The following MIPEP variants were observed in gnomAD, a reference collection of about 807,000 sequenced individuals.
MIPEP encodes mitochondrial intermediate peptidase.
In MIPEP, 79 loss-of-function variants were observed where a neutral mutation model predicts 90.3. That is an observed-to-expected ratio of 0.87 (90% CI 0.73 to 1.05). The LOEUF (loss-of-function observed/expected upper bound fraction) is 1.05, where lower values mean the gene tolerates loss of function less well. Among genes scored for constraint, MIPEP ranks in the 50% least tolerant of loss-of-function variants. The probability of loss-of-function intolerance (pLI) is 0.00; values close to 1 mark genes in which losing one functional copy is unlikely to be tolerated. For missense variants in MIPEP, 940 were observed against 905.6 expected, an observed-to-expected ratio of 1.04 and a Z score of -0.49; for synonymous variants, 334 against 315.8, an observed-to-expected ratio of 1.06 and a Z score of -0.61.
intron 18 of MIPEP, among the ~76,000 whole-genome samples, chr13:23,755,070 T>C (rs544498630): frequency 6.6e-6 from 1 of 152,312 alleles, no homozygotes; most frequent in African/African-American, 2.4e-5. Flanking sequence ...ATAGGGTTAC[T>C]AAGAAGAGTC....
intron 16 of MIPEP, among the ~76,000 whole-genome samples, chr13:23,789,829 C>T (rs749029353): frequency 3.3e-5 from 5 of 152,240 alleles, no homozygotes; most frequent in African/African-American, 7.2e-5. Context: ...AGTTCCACTG[C>T]GATCAGTCTT....
chr13:23,889,136 C>A lies in MIPEP; in HGVS notation c.185G>T (p.Arg62Leu). ...QGSRLDLFGERRGLFGVPELS... is the reference protein window; with the variant it reads ...QGSRLDLFGELRGLFGVPELS... ...AGCTCCTCCTGCGCCGCTCACCCGGCGCTCGCCGAACAGGTCCAAGCGGCT... is the reference window on the plus strand; with the variant it reads ...AGCTCCTCCTGCGCCGCTCACCCGGAGCTCGCCGAACAGGTCCAAGCGGCT... Residue 62 changes from arginine (R) to leucine (L), a missense_variant, in exon 1 of 19, where the codon CGC (arginine) becomes CTC (leucine). Arg to Leu is a moderately radical substitution (Grantham distance 102). Coordinates refer to ENST00000382172, the MANE Select transcript of MIPEP (RefSeq NM_005932.4). 1.4e-6 allele frequency: 2 copies of A among 1,422,728 alleles called. No individual in the cohort carries two copies. The highest frequency in any genetic ancestry group is 1.5e-5 in the African/African-American group (1 of 66,256). 88.1% of individuals were successfully genotyped at this position (1,422,728 alleles called of 1,614,324 possible).
chr13:23,755,242 T>C (rs1171811737), intron 18 of MIPEP, among the ~76,000 whole-genome samples: 2 of 152,232 alleles, frequency 1.3e-5, no homozygotes, highest in Non-Finnish European at 2.9e-5. Context: ...GAGCAGGATG[T>C]TTGTCTAAGC....
intron 14 of MIPEP, among the ~76,000 whole-genome samples, chr13:23,835,129 T>C (rs1868977914): frequency 6.6e-6 from 1 of 151,774 alleles, no homozygotes; most frequent in Non-Finnish European, 1.5e-5. Context: ...CAAGTGATTC[T>C]CCTGCCTCAG....
At chr13:23,755,232 G>C (rs1004265629) in intron 18 of MIPEP, among the ~76,000 whole-genome samples, 1 of 152,244 alleles carries the variant, frequency 6.6e-6, no homozygotes, top group African/African-American at 2.4e-5. Context: ...GTCTCCAAAA[G>C]AGCAGGATGT....
chr13:23,858,818 C>A, intron 10 of MIPEP, 42 bp downstream of exon 10: 1 of 1,568,638 alleles, frequency 6.4e-7, no homozygotes, highest in Non-Finnish European at 8.8e-7. Context: ...ACATTAGTTT[C>A]CTTTTTCCTT....
At chr13:23,826,214 G>A (rs1179041419) in intron 14 of MIPEP, among the ~76,000 whole-genome samples, 1 of 152,012 alleles carries the variant, frequency 6.6e-6, no homozygotes, top group Non-Finnish European at 1.5e-5. Flanking sequence ...ATAGAACTAA[G>A]GGGAAATTAT....
chr13:23,874,108 T>C (rs916611216), intron 5 of MIPEP, among the ~76,000 whole-genome samples: 1 of 152,194 alleles, frequency 6.6e-6, no homozygotes, highest in Non-Finnish European at 1.5e-5. Flanking sequence ...CTAGGAAAAA[T>C]GTATTACTGT....
chr13:23,762,646 T>C (rs1451240499), intron 16 of MIPEP, among the ~76,000 whole-genome samples: 1 of 152,202 alleles, frequency 6.6e-6, no homozygotes, highest in African/African-American at 2.4e-5. Flanking sequence ...TGCCCCTTCC[T>C]CCTTGGGGAT....
intron 16 of MIPEP, among the ~76,000 whole-genome samples, chr13:23,782,491 C>T (rs967810522): frequency 2.6e-5 from 4 of 152,044 alleles, no homozygotes; most frequent in African/African-American, 7.3e-5. Context: ...TAAATGCCCA[C>T]AAGAGAAAGC....
intron 2 of MIPEP, among the ~76,000 whole-genome samples, chr13:23,882,064 T>C (rs565757844): frequency 7.2e-5 from 7 of 97,218 alleles, no homozygotes; most frequent in African/African-American, 2.0e-4. Flanking sequence ...AAGCAAATTC[T>C]TTCTTTCTTT....
chr13:23,765,762 C>G (rs1244981669), intron 16 of MIPEP, among the ~76,000 whole-genome samples: 2 of 152,218 alleles, frequency 1.3e-5, no homozygotes, highest in Non-Finnish European at 2.9e-5. Context: ...CAATGACATT[C>G]AATGTTACTG....
rs147510393 is a variant in MIPEP at position 23,761,432 on chromosome 13, C to A, written c.1849-1215G>T. 1.1e-4 allele frequency among the ~76,000 whole-genome samples: 16 copies of A among 152,254 alleles called. No homozygotes were observed. The East Asian group carries it at 3.1e-3, about 29-fold the overall frequency. ...CCCACTTGGAACGCCTGGTCATCAACATTGGAGGAGAGAATTTGGAGTCTG... is the reference window on the plus strand; with the variant it reads ...CCCACTTGGAACGCCTGGTCATCAAAATTGGAGGAGAGAATTTGGAGTCTG... On this transcript the variant is annotated intron_variant, in intron 16 of 18. Coordinates refer to ENST00000382172, the MANE Select transcript of MIPEP (RefSeq NM_005932.4).
chr13:23,778,260 A>G (rs954611602), intron 16 of MIPEP, among the ~76,000 whole-genome samples: 2 of 152,242 alleles, frequency 1.3e-5, no homozygotes, highest in African/African-American at 2.4e-5. Context: ...GAATGATTGC[A>G]TCATCACTAA....
In MIPEP at chr13:23,858,878, C is replaced by G. The variant is rs1870163153; in HGVS notation, c.1088G>C (p.Gly363Ala). 6.2e-7 allele frequency: 1 copy of G among 1,613,570 alleles called. No homozygotes were observed. Among genetic ancestry groups the G allele is most frequent in the Non-Finnish European group, 8.5e-7 (1 of 1,179,694 alleles). ...VMPWDPPYYS[G>A]VIRAERYNIE... The stretch of plus-strand genomic sequence containing the variant: ...AACTTACCTTTCTGCACGAATCACA[C>G]CACTGTAGTAAGGGGGGTCCCAGGG... The change falls in exon 10 of 19, where the codon GGT becomes GCT. Residue 363 changes from glycine (G) to alanine (A), a missense_variant. By Grantham distance (60) the Gly-to-Ala change is moderately conservative. Transcript: ENST00000382172.
chr13:23,834,194 C>T (rs959696693), intron 14 of MIPEP, among the ~76,000 whole-genome samples: 1 of 152,216 alleles, frequency 6.6e-6, no homozygotes, highest in Admixed American at 6.5e-5. Context: ...CTCTCAGGCT[C>T]TATCCGCACC....
chr13:23,844,737 A>G (rs762279559), intron 10 of MIPEP, among the ~76,000 whole-genome samples: 1 of 152,244 alleles, frequency 6.6e-6, no homozygotes, highest in Non-Finnish European at 1.5e-5. Flanking sequence ...TTATTTTACT[A>G]AACTATAACC....
chr13:23,755,995 T>G (rs558210679), intron 18 of MIPEP, among the ~76,000 whole-genome samples: 3 of 152,092 alleles, frequency 2.0e-5, no homozygotes, highest in South Asian at 4.1e-4. Flanking sequence ...AATAAAAAAT[T>G]TTTCTATTAG....
chr13:23,812,701 A>G (rs1231110636), intron 14 of MIPEP, among the ~76,000 whole-genome samples: 1 of 152,198 alleles, frequency 6.6e-6, no homozygotes, highest in African/African-American at 2.4e-5. Flanking sequence ...TTAGAAAAAA[A>G]CAAAAAATGC....
Sources: gnomAD v4.1 joint callset for allele counts (sites outside exome capture counted in the v4.1 genomes callset) on GRCh38, gnomAD v4.1.1 for gene constraint, MANE v1.5 for transcripts, NCBI Gene and HGNC (gene_info 2026-07-23, HGNC 2026-07-21) for gene names.